The following RASEF variants were observed in gnomAD, a reference collection of about 807,000 sequenced individuals.
RASEF encodes ras and EF-hand domain-containing protein.
In RASEF, 68 loss-of-function variants were observed where a neutral mutation model predicts 90.1. That is an observed-to-expected ratio of 0.75 (90% CI 0.62 to 0.92). The LOEUF is 0.92. Among genes scored for constraint, RASEF ranks in the 40% least tolerant of loss-of-function variants. The pLI, the probability that RASEF is intolerant of heterozygous loss-of-function variation, is 0.00. For synonymous variants in RASEF, 331 were observed against 345.2 expected, an observed-to-expected ratio of 0.96 and a Z score of 0.46; for missense variants, 949 against 937.2, an observed-to-expected ratio of 1.01 and a Z score of -0.16.
rs763727893 is a variant in RASEF at position 82,982,637 on chromosome 9, T to A, written c.*40A>T. 9.3e-7 allele frequency: 1 copy of A among 1,080,820 alleles called. No individual in the cohort carries two copies. The highest frequency in any genetic ancestry group is 1.7e-5 in the Admixed American group (1 of 59,256). 67.0% of individuals were successfully genotyped at this position (1,080,820 alleles called of 1,614,324 possible). On this transcript the variant is annotated 3_prime_UTR_variant, in exon 17 of 17. Coordinates refer to ENST00000376447, the MANE Select transcript of RASEF (RefSeq NM_152573.4). ...CAAATAAGTCACACAAATTCAGTAT[T>A]CTGGAAATGAAGACTTCACAGGCCA...
At chr9:83,183,255 T>C in the RASEF span, among the ~76,000 whole-genome samples, 2 of 50,508 alleles carry the variant, frequency 4.0e-5, no homozygotes, top group African/African-American at 2.8e-4. Flanking sequence ...CACAGATTTG[T>C]GTGTGTGTAT....
chr9:83,005,041 T>C (rs1397305921), intron 8 of RASEF, among the ~76,000 whole-genome samples: 2 of 152,146 alleles, frequency 1.3e-5, no homozygotes, highest in African/African-American at 4.8e-5. Context: ...GTCCTTAAAG[T>C]TCCAAATGAG....
chr9:83,019,238 A>G (rs1053474553), intron 3 of RASEF, among the ~76,000 whole-genome samples: 1 of 152,194 alleles, frequency 6.6e-6, no homozygotes, highest in Non-Finnish European at 1.5e-5. Context: ...TGCATTCAGA[A>G]TATAAAAGAA....
chr9:83,159,027 A>C, the RASEF span, among the ~76,000 whole-genome samples: 1 of 130,932 alleles, frequency 7.6e-6, no homozygotes, highest in African/African-American at 2.8e-5. Flanking sequence ...TCTACTAAAA[A>C]CACAAAAAAT....
intron 9 of RASEF, among the ~76,000 whole-genome samples, chr9:83,001,362 A>T (rs1378572693): frequency 6.6e-6 from 1 of 152,184 alleles, no homozygotes; most frequent in Non-Finnish European, 1.5e-5. Flanking sequence ...TTAACAAACA[A>T]AGCCATTAAA....
At chr9:83,154,618 C>G in the RASEF span, among the ~76,000 whole-genome samples, 2 of 152,166 alleles carry the variant, frequency 1.3e-5, no homozygotes, top group African/African-American at 2.4e-5. Context: ...TTCTAAAGCA[C>G]AAAGAGTCAG....
the RASEF span, among the ~76,000 whole-genome samples, chr9:83,200,553 C>A: frequency 6.6e-6 from 1 of 152,158 alleles, no homozygotes; most frequent in Admixed American, 6.5e-5. Flanking sequence ...CGAGACACTC[C>A]GGCCACTGTA....
At chr9:83,102,358 A>G in the RASEF span, among the ~76,000 whole-genome samples, 2 of 152,168 alleles carry the variant, frequency 1.3e-5, no homozygotes, top group African/African-American at 4.8e-5. Flanking sequence ...TCTTTACTGT[A>G]TAAGAGCAGA....
chr9:83,036,800 C>T (rs1829748204), intron 1 of RASEF, among the ~76,000 whole-genome samples: 1 of 152,030 alleles, frequency 6.6e-6, no homozygotes, highest in Admixed American at 6.5e-5. Flanking sequence ...TTAATTGTAA[C>T]AATTGTACTA....
the RASEF span, among the ~76,000 whole-genome samples, chr9:83,179,255 A>C: frequency 6.6e-6 from 1 of 152,200 alleles, no homozygotes; most frequent in Non-Finnish European, 1.5e-5. Flanking sequence ...AGCTTCTTGC[A>C]TCACAGCATT....
chr9:83,044,269 A>T (rs1029527597), intron 1 of RASEF, among the ~76,000 whole-genome samples: 30 of 152,182 alleles, frequency 2.0e-4, no homozygotes, highest in Non-Finnish European at 2.9e-4. Flanking sequence ...GAAAGCAGTG[A>T]ATTTGCCCAG....
chr9:83,204,803 T>C, the RASEF span, among the ~76,000 whole-genome samples: 1 of 152,226 alleles, frequency 6.6e-6, no homozygotes, highest in Non-Finnish European at 1.5e-5. Context: ...GATATAAACA[T>C]ATGCCAAAAA....
chr9:83,012,662 A>C, intron 4 of RASEF, 151 bp from the exon 5 acceptor site: 2 of 434,908 alleles, frequency 4.6e-6, no homozygotes, highest in Non-Finnish European at 4.0e-6. Flanking sequence ...ACTACATAAA[A>C]TCCATAAGGA....
chr9:83,100,069 A>T, the RASEF span, among the ~76,000 whole-genome samples: 7 of 152,238 alleles, frequency 4.6e-5, no homozygotes, highest in Non-Finnish European at 8.8e-5. Context: ...GAGTAAGATT[A>T]AGCTACTGTT....
chr9:83,122,655 A>G, the RASEF span, among the ~76,000 whole-genome samples: 5 of 152,196 alleles, frequency 3.3e-5, no homozygotes, highest in Non-Finnish European at 5.9e-5. Context: ...ATTTATAAAG[A>G]GCTTTTAATT....
At position 83,023,854 on chromosome 9, in the gene RASEF, C is replaced by T. The variant is rs188411884; in HGVS notation, c.579-1428G>A. 2.3e-4 allele frequency among the ~76,000 whole-genome samples: 35 copies of T among 152,242 alleles called. No homozygotes were observed. The East Asian group carries it at 2.5e-3, about 11-fold the overall frequency. Reference sequence around the variant, plus strand: ...CAATCCCAAGCATCTGGGACTGCTCCGTAATGGACTCTCTCTGCCCTTTTC... The same window carrying T: ...CAATCCCAAGCATCTGGGACTGCTCTGTAATGGACTCTCTCTGCCCTTTTC... On this transcript the variant is annotated intron_variant, in intron 2 of 16. Transcript: ENST00000376447.
the RASEF span, among the ~76,000 whole-genome samples, chr9:83,081,804 A>G: frequency 6.6e-6 from 1 of 152,208 alleles, no homozygotes; most frequent in Non-Finnish European, 1.5e-5. Context: ...ATTTACCAAC[A>G]TGATCACCTC....
chr9:83,085,529 G>A, the RASEF span, among the ~76,000 whole-genome samples: 2 of 152,106 alleles, frequency 1.3e-5, no homozygotes, highest in Non-Finnish European at 2.9e-5. Flanking sequence ...CAGCTGCTTA[G>A]GAGGCTGAGA....
the RASEF span, among the ~76,000 whole-genome samples, chr9:83,098,104 G>T: frequency 3.9e-5 from 6 of 152,186 alleles, no homozygotes; most frequent in Admixed American, 1.3e-4. Flanking sequence ...TGAACTTTCA[G>T]TTGAGAACTA....
Sources: gnomAD v4.1 joint callset for allele counts (sites outside exome capture counted in the v4.1 genomes callset) on GRCh38, gnomAD v4.1.1 for gene constraint, MANE v1.5 for transcripts, NCBI Gene and HGNC (gene_info 2026-07-23, HGNC 2026-07-21) for gene names.